The following SH3RF3 variants were observed in gnomAD, a reference collection of about 807,000 sequenced individuals.
The protein encoded by SH3RF3 is E3 ubiquitin-protein ligase SH3RF3.
SH3RF3 carries 29 observed loss-of-function variants against 66.3 expected under a neutral mutation model. That is an observed-to-expected ratio of 0.44 (90% CI 0.33 to 0.60). SH3RF3 has a LOEUF of 0.60. Ranked by LOEUF, SH3RF3 falls within the 20% of genes least tolerant of loss-of-function variation. The probability of loss-of-function intolerance (pLI) is 0.04; values close to 1 mark genes in which losing one functional copy is unlikely to be tolerated. For synonymous variants in SH3RF3, 583 were observed against 532.0 expected (o/e 1.10, Z -1.32); for missense variants, 1,194 against 1,190.9 (o/e 1.00, Z -0.04).
At chr2:109,273,602 A>G (rs929771136) in intron 1 of SH3RF3, among the ~76,000 whole-genome samples, 1 of 152,220 alleles carries the variant, frequency 6.6e-6, no homozygotes, top group Non-Finnish European at 1.5e-5. Context: ...GTGGTGGGAC[A>G]GGCTTAGAGT....
chr2:109,140,606 C>T (rs1358808600), intron 1 of SH3RF3, among the ~76,000 whole-genome samples: 1 of 152,166 alleles, frequency 6.6e-6, no homozygotes. Flanking sequence ...TGGTCTTGAT[C>T]TCCTGACCTC....
intron 5 of SH3RF3, among the ~76,000 whole-genome samples, chr2:109,424,651 G>A (rs901164212): frequency 1.4e-4 from 21 of 152,060 alleles, no homozygotes; most frequent in Admixed American, 5.2e-4. Context: ...GATTTTTGGC[G>A]TTACTGTTAT....
intron 1 of SH3RF3, among the ~76,000 whole-genome samples, chr2:109,227,781 C>A (rs981494690): frequency 6.6e-6 from 1 of 152,208 alleles, no homozygotes; most frequent in Non-Finnish European, 1.5e-5. Context: ...TAGGTCACCC[C>A]CCAGCCAACT....
At chr2:109,204,700 T>C (rs557465794) in intron 1 of SH3RF3, among the ~76,000 whole-genome samples, 1 of 152,218 alleles carries the variant, frequency 6.6e-6, no homozygotes, top group Non-Finnish European at 1.5e-5. Context: ...GTTCTAGCAG[T>C]CTCTTACTTT....
chr2:109,302,495 G>A (rs1244728652), intron 1 of SH3RF3, among the ~76,000 whole-genome samples: 2 of 152,252 alleles, frequency 1.3e-5, no homozygotes, highest in African/African-American at 4.8e-5. Flanking sequence ...CCATAGGGGA[G>A]GGCTCTGCCT....
chr2:109,294,625 T>G (rs1473377857), intron 1 of SH3RF3, among the ~76,000 whole-genome samples: 1 of 151,662 alleles, frequency 6.6e-6, no homozygotes, highest in Non-Finnish European at 1.5e-5. Context: ...AGAGCCATCC[T>G]TGCATTCTTC....
intron 4 of SH3RF3, among the ~76,000 whole-genome samples, chr2:109,406,074 G>A (rs1200456323): frequency 1.3e-5 from 2 of 152,200 alleles, no homozygotes; most frequent in Non-Finnish European, 2.9e-5. Flanking sequence ...GCGTGCAGCC[G>A]GCTGAGCCTC....
intron 1 of SH3RF3, among the ~76,000 whole-genome samples, chr2:109,333,530 T>G (rs1394274334): frequency 6.6e-6 from 1 of 152,142 alleles, no homozygotes; most frequent in Non-Finnish European, 1.5e-5. Flanking sequence ...GTAAGTAAAG[T>G]TTTATTGGAA....
chr2:109,150,126 A>C (rs913445953), intron 1 of SH3RF3, among the ~76,000 whole-genome samples: 53 of 152,182 alleles, frequency 3.5e-4, no homozygotes, highest in African/African-American at 1.2e-3. Flanking sequence ...GGCCAACAAA[A>C]GGTGGTGTAG....
At chr2:109,500,957 TAAG>T (rs1174162251) in intron 9 of SH3RF3, among the ~76,000 whole-genome samples, 1 of 152,074 alleles carries the variant, frequency 6.6e-6, no homozygotes, top group Non-Finnish European at 1.5e-5. Context: ...CTCAAAAAAA[TAAG>T]GACAATTTAC....
chr2:109,258,698 A>G (rs1406385206), intron 1 of SH3RF3, among the ~76,000 whole-genome samples: 3 of 152,198 alleles, frequency 2.0e-5, no homozygotes, highest in Non-Finnish European at 2.9e-5. Context: ...TGTCTGAGTG[A>G]TGACTGCCAG....
At chr2:109,180,627 T>C (rs1391941021) in intron 1 of SH3RF3, among the ~76,000 whole-genome samples, 1 of 152,208 alleles carries the variant, frequency 6.6e-6, no homozygotes, top group East Asian at 1.9e-4. Context: ...GATCTGATGA[T>C]TTTATAAGGA....
intron 7 of SH3RF3, among the ~76,000 whole-genome samples, chr2:109,446,951 G>A (rs1178719547): frequency 6.6e-6 from 1 of 151,962 alleles, no homozygotes; most frequent in East Asian, 1.9e-4. Context: ...CCGAGAGAAG[G>A]GGAGTCAGAC....
chr2:109,212,086 C>T (rs115255823), intron 1 of SH3RF3, among the ~76,000 whole-genome samples: 5,194 of 152,310 alleles, frequency 0.034, 269 homozygotes, highest in African/African-American at 0.11. Context: ...GGAATGTAAG[C>T]TGGTGAATGG....
At chr2:109,238,244 C>T (rs1043153122) in intron 1 of SH3RF3, among the ~76,000 whole-genome samples, 1 of 151,852 alleles carries the variant, frequency 6.6e-6, no homozygotes, top group African/African-American at 2.4e-5. Flanking sequence ...AAGACTAATT[C>T]AATAGAAAAG....
chr2:109,427,515 C>A (rs116698963), intron 5 of SH3RF3, among the ~76,000 whole-genome samples: 2,373 of 152,250 alleles, frequency 0.016, 61 homozygotes, highest in African/African-American at 0.055. Flanking sequence ...ACACCAGGAG[C>A]TCCAGGGTGA....
intron 1 of SH3RF3, among the ~76,000 whole-genome samples, chr2:109,329,518 A>G (rs888556322): frequency 6.6e-6 from 1 of 152,204 alleles, no homozygotes; most frequent in Admixed American, 6.5e-5. Flanking sequence ...ACAACTGAAC[A>G]CATCCCCCCA....
chr2:109,153,805 G>C (rs1287878599), intron 1 of SH3RF3, among the ~76,000 whole-genome samples: 5 of 152,238 alleles, frequency 3.3e-5, no homozygotes, highest in Non-Finnish European at 5.9e-5. Flanking sequence ...CCACCATCTT[G>C]CTGGAGCTGA....
chr2:109,352,078 G>A (rs1397746139), intron 2 of SH3RF3, among the ~76,000 whole-genome samples: 2 of 152,156 alleles, frequency 1.3e-5, no homozygotes, highest in Non-Finnish European at 2.9e-5. Context: ...ATGGTGACTC[G>A]AACATTTACT....
Sources: gnomAD v4.1 joint callset for allele counts (sites outside exome capture counted in the v4.1 genomes callset) on GRCh38, gnomAD v4.1.1 for gene constraint, MANE v1.5 for transcripts, NCBI Gene and HGNC (gene_info 2026-07-23, HGNC 2026-07-21) for gene names.